Variants in DAB1 observed in about 807,000 individuals in gnomAD.
DAB1 encodes the protein DAB adaptor protein 1, also known as disabled homolog 1.
Under a neutral mutation model 64.6 loss-of-function variants are expected in DAB1, and 15 were observed. That is an observed-to-expected ratio of 0.23 (90% CI 0.16 to 0.36). The LOEUF (loss-of-function observed/expected upper bound fraction) is 0.36. Ranked by LOEUF, DAB1 falls within the 10% of genes least tolerant of loss-of-function variation. The pLI is 1.00. For missense variants in DAB1, 596 were observed against 706.7 expected (o/e 0.84, Z 1.78); for synonymous variants, 235 against 251.9 (o/e 0.93, Z 0.64).
At chr1:58,022,811 C>T (rs1236916646) in intron 5 of DAB1, among the ~76,000 whole-genome samples, 1 of 152,114 alleles carries the variant, frequency 6.6e-6, no homozygotes, top group Admixed American at 6.6e-5. Flanking sequence ...ATTTTAAGTT[C>T]CGGTTACTGT....
At chr1:58,267,265 A>G (rs1661192323) in intron 4 of DAB1, among the ~76,000 whole-genome samples, 2 of 152,130 alleles carry the variant, frequency 1.3e-5, no homozygotes, top group African/African-American at 4.8e-5. Flanking sequence ...AGTAGAAAAA[A>G]ATGTATTTGC....
intron 2 of DAB1, among the ~76,000 whole-genome samples, chr1:57,212,321 A>G (rs964352759): frequency 2.6e-5 from 4 of 151,278 alleles, no homozygotes; most frequent in Non-Finnish European, 5.9e-5. Flanking sequence ...AAAAACTAAA[A>G]CATAATTACT....
At chr1:57,520,651 GAT>G (rs1174087104) in intron 7 of DAB1, among the ~76,000 whole-genome samples, 16 of 152,026 alleles carry the variant, frequency 1.1e-4, no homozygotes, top group Non-Finnish European at 4.4e-5. Context: ...ATGTTGCCTT[GAT>G]AAACTTAGTT....
intron 12 of DAB1, among the ~76,000 whole-genome samples, chr1:57,013,624 T>G (rs990082976): frequency 3.3e-5 from 5 of 150,904 alleles, no homozygotes; most frequent in South Asian, 2.1e-4. Context: ...ATTAGGGGTG[T>G]TTTTTTTTGA....
At chr1:58,506,491 T>C (rs1253679047) in intron 2 of DAB1, among the ~76,000 whole-genome samples, 1 of 152,152 alleles carries the variant, frequency 6.6e-6, no homozygotes, top group Non-Finnish European at 1.5e-5. Context: ...AACATGCCCA[T>C]TGCTTAGAAA....
At chr1:57,474,462 G>T (rs934763883) in intron 7 of DAB1, among the ~76,000 whole-genome samples, 5 of 152,154 alleles carry the variant, frequency 3.3e-5, no homozygotes, top group African/African-American at 1.2e-4. Flanking sequence ...GAGATAATTT[G>T]GTGAATATGG....
At chr1:57,936,278 A>T (rs10158492) in intron 5 of DAB1, among the ~76,000 whole-genome samples, 65,754 of 152,114 alleles carry the variant, frequency 0.43, 14,830 homozygotes, top group Admixed American at 0.51. Flanking sequence ...CAGGCTATTT[A>T]CTGAGTTGAT....
At chr1:58,114,142 C>T (rs956820922) in intron 5 of DAB1, among the ~76,000 whole-genome samples, 7 of 151,582 alleles carry the variant, frequency 4.6e-5, no homozygotes, top group African/African-American at 1.2e-4. Flanking sequence ...GCCTGTAATC[C>T]CAGCTACTCA....
chr1:57,285,536 G>T (rs1027133119), intron 2 of DAB1, among the ~76,000 whole-genome samples: 3 of 152,034 alleles, frequency 2.0e-5, no homozygotes, highest in African/African-American at 7.3e-5. Context: ...GCCTCCTAAA[G>T]TGCTGGGATT....
At chr1:57,853,188 A>C (rs1471251218) in intron 1 of DAB1, among the ~76,000 whole-genome samples, 1 of 152,100 alleles carries the variant, frequency 6.6e-6, no homozygotes, top group Non-Finnish European at 1.5e-5. Context: ...TGCATTAAGT[A>C]GAAGCTTAGA....
chr1:57,935,946 G>A (rs572187004), intron 5 of DAB1, among the ~76,000 whole-genome samples: 50 of 152,306 alleles, frequency 3.3e-4, no homozygotes, highest in Non-Finnish European at 5.4e-4. Flanking sequence ...AAAAGAAAAG[G>A]ATGGGCTCAA....
intron 4 of DAB1, among the ~76,000 whole-genome samples, chr1:58,225,167 T>C (rs557427336): frequency 0.018 from 2,743 of 151,990 alleles, 36 homozygotes; most frequent in Middle Eastern, 0.037. Context: ...GAACAGACAC[T>C]TCGCAAAAGA....
intron 5 of DAB1, among the ~76,000 whole-genome samples, chr1:58,002,821 G>A (rs1452658609): frequency 6.6e-6 from 1 of 152,138 alleles, no homozygotes; most frequent in African/African-American, 2.4e-5. Context: ...AATCCAGGCA[G>A]ACCTGGGTTT....
At chr1:58,282,511 G>A (rs1557721868) in intron 4 of DAB1, among the ~76,000 whole-genome samples, 1 of 151,526 alleles carries the variant, frequency 6.6e-6, no homozygotes, top group Non-Finnish European at 1.5e-5. Flanking sequence ...TCTTTTATTT[G>A]AAATTATTTT....
intron 4 of DAB1, among the ~76,000 whole-genome samples, chr1:58,326,277 C>G (rs994848068): frequency 6.6e-6 from 1 of 152,160 alleles, no homozygotes; most frequent in African/African-American, 2.4e-5. Context: ...TTTTAAATAA[C>G]TCAGTGGGGC....
rs375126173 is a variant in DAB1 at position 57,241,906 on chromosome 1, GC to G, written c.67+49057del. On this transcript the variant is annotated intron_variant, in intron 2 of 14. Transcript: ENST00000371236. ...CTAATGCCAGCTAAGCTAAAGGAAG[GC>G]CCAGGTTTCCAACAGCTCTTATGAA... 5.6e-4 allele frequency among the ~76,000 whole-genome samples: 85 copies of G among 152,216 alleles called. 1 individual carries two copies. The South Asian group carries it at 0.016, about 29-fold the overall frequency.
At chr1:57,094,120 AAAAAAG>A (rs1653939732) in intron 4 of DAB1, among the ~76,000 whole-genome samples, 1 of 151,672 alleles carries the variant, frequency 6.6e-6, no homozygotes, top group Non-Finnish European at 1.5e-5. Flanking sequence ...AAAAAAAAAA[AAAAAAG>A]GAATCTTGGA....
intron 2 of DAB1, among the ~76,000 whole-genome samples, chr1:57,250,299 T>A (rs1034115772): frequency 6.6e-6 from 1 of 152,210 alleles, no homozygotes; most frequent in Non-Finnish European, 1.5e-5. Context: ...CCAATCTGTC[T>A]ATGTCTGGTA....
intron 6 of DAB1, among the ~76,000 whole-genome samples, chr1:57,797,917 A>G (rs1173781012): frequency 6.6e-6 from 1 of 152,228 alleles, no homozygotes; most frequent in African/African-American, 2.4e-5. Context: ...AGCCTCACAG[A>G]AGACTATGAT....
Sources: allele counts gnomAD v4.1 joint callset (sites outside exome capture counted in the v4.1 genomes callset), GRCh38; gene constraint gnomAD v4.1.1; transcripts MANE v1.5; gene names NCBI Gene and HGNC (gene_info 2026-07-23, HGNC 2026-07-21).